The following PAWR variants were observed in gnomAD, a reference collection of about 807,000 sequenced individuals.
The protein encoded by PAWR is PRKC apoptosis WT1 regulator protein.
A neutral mutation model predicts 32.0 loss-of-function variants in PAWR; 23 were observed. The ratio of observed to expected loss-of-function variants is 0.72; its 90% CI spans 0.52 to 1.02. The LOEUF is 1.02. Among genes scored for constraint, PAWR ranks in the 50% least tolerant of loss-of-function variants. The pLI, the probability that PAWR is intolerant of heterozygous loss-of-function variation, is 0.00. For synonymous variants in PAWR, 226 were observed against 187.1 expected (o/e 1.21, Z -1.70); for missense variants, 457 against 437.7 (o/e 1.04, Z -0.39).
intron 6 of PAWR, among the ~76,000 whole-genome samples, chr12:79,593,704 T>A (rs1276808471): frequency 6.8e-6 from 1 of 146,958 alleles, no homozygotes; most frequent in Admixed American, 6.8e-5. Flanking sequence ...TTTTAGGGTT[T>A]TTTTTTTTTT....
At chr12:79,632,328 T>TATATATATAC (rs1875704508) in intron 2 of PAWR, among the ~76,000 whole-genome samples, 6 of 34,266 alleles carry the variant, frequency 1.8e-4, no homozygotes, top group Admixed American at 3.2e-4. Context: ...TATATATATA[T>TATATATATAC]ATATATATAT....
intron 2 of PAWR, chr12:79,668,395 T>C (rs2136842771): frequency 6.6e-6 from 1 of 152,352 alleles, no homozygotes; most frequent in Middle Eastern, 3.4e-3. Context: ...ATCTTACTTC[T>C]GAACTCTTTA....
chr12:79,688,967 G>A (rs941563617), intron 2 of PAWR, among the ~76,000 whole-genome samples: 6 of 152,228 alleles, frequency 3.9e-5, no homozygotes, highest in African/African-American at 1.4e-4. Flanking sequence ...TCACTCTAAT[G>A]GAAGATGCTG....
intron 2 of PAWR, among the ~76,000 whole-genome samples, chr12:79,666,603 A>T (rs1333170777): frequency 1.3e-5 from 2 of 152,226 alleles, no homozygotes; most frequent in Non-Finnish European, 1.5e-5. Flanking sequence ...GATGAAGCAG[A>T]TAGGAGAAAC....
At chr12:79,631,283 T>G (rs1592514981) in intron 2 of PAWR, among the ~76,000 whole-genome samples, 1 of 152,292 alleles carries the variant, frequency 6.6e-6, no homozygotes, top group Non-Finnish European at 1.5e-5. Flanking sequence ...TCTCACCACT[T>G]CTATTCAGTA....
Position 79,690,391 on chromosome 12 carries a change from G to T in PAWR, c.-147C>A. 1 of 1,342,384 alleles carries T rather than the reference G, an allele frequency of 7.4e-7. No homozygotes were observed. The highest frequency in any genetic ancestry group is 9.5e-7 in the Non-Finnish European group (1 of 1,050,618). The allele number at this position is 1,342,384 out of a possible 1,614,324, so 83.2% of individuals were successfully genotyped here. A position where few individuals can be genotyped will look rare whatever the true frequency, so the allele number is the denominator to read the frequency against. On this transcript the variant is annotated splice_region_variant and 5_prime_UTR_variant, in exon 2 of 7. Coordinates refer to ENST00000328827, the MANE Select transcript of PAWR (RefSeq NM_002583.4). ...CGCCGCTCCCACAGCAGCCGGCGGG[G>T]CTGAGGTGAAAGACAAAAGGGGGCG...
intron 6 of PAWR, among the ~76,000 whole-genome samples, chr12:79,594,074 C>T (rs1425276005): frequency 6.6e-6 from 1 of 152,012 alleles, no homozygotes; most frequent in Non-Finnish European, 1.5e-5. Flanking sequence ...GCGCCTGTCA[C>T]CCTCAGATTT....
Position 79,589,510 on chromosome 12 carries a change from A to T in PAWR, c.*3097T>A, listed in dbSNP as rs1176729708. The T allele has an allele frequency of 6.6e-6, 1 of 152,068 alleles. No homozygotes were observed. Among genetic ancestry groups the T allele is most frequent in the African/African-American group, 2.4e-5 (1 of 41,430 alleles). 9.4% of individuals were successfully genotyped at this position (152,068 alleles called of 1,614,324 possible). A position where few individuals can be genotyped will look rare whatever the true frequency, so the allele number is the denominator to read the frequency against. ...AACTACATTGCTCCACATACCTGATACTTAATTTTCTATGTTTGAAACTAC... is the reference window on the plus strand; with the variant it reads ...AACTACATTGCTCCACATACCTGATTCTTAATTTTCTATGTTTGAAACTAC... On this transcript the variant is annotated 3_prime_UTR_variant, in exon 7 of 7. Coordinates refer to ENST00000328827, the MANE Select transcript of PAWR (RefSeq NM_002583.4).
intron 2 of PAWR, among the ~76,000 whole-genome samples, chr12:79,664,253 A>G (rs2136831057): frequency 6.6e-6 from 1 of 152,294 alleles, no homozygotes; most frequent in East Asian, 1.9e-4. Context: ...GTGCATTTTC[A>G]TTACTCAAAA....
intron 2 of PAWR, among the ~76,000 whole-genome samples, chr12:79,636,512 A>G (rs1001744822): frequency 3.9e-5 from 6 of 152,174 alleles, no homozygotes; most frequent in African/African-American, 1.4e-4. Flanking sequence ...AAATTTCAAC[A>G]TAAAACATAA....
chr12:79,649,132 T>A (rs959547628), intron 2 of PAWR, among the ~76,000 whole-genome samples: 4 of 152,156 alleles, frequency 2.6e-5, no homozygotes, highest in Admixed American at 6.6e-5. Flanking sequence ...CCTTGTTACA[T>A]AGGGCAAAGG....
chr12:79,632,350 TATATATA>T (rs1875735862), intron 2 of PAWR, among the ~76,000 whole-genome samples: 11 of 59,758 alleles, frequency 1.8e-4, no homozygotes, highest in Non-Finnish European at 2.1e-4. Context: ...TATATATATA[TATATATA>T]TATATTTTTT....
chr12:79,636,600 T>C (rs1566012744), intron 2 of PAWR, among the ~76,000 whole-genome samples: 1 of 152,170 alleles, frequency 6.6e-6, no homozygotes, highest in Non-Finnish European at 1.5e-5. Context: ...TGATCTACTA[T>C]CTAGTTCTTG....
chr12:79,613,430 T>G (rs1200326038), intron 4 of PAWR, 145 bp downstream of exon 4: 1 of 420,340 alleles, frequency 2.4e-6, no homozygotes, highest in East Asian at 3.4e-5. Context: ...ATGATACTCC[T>G]GCTTACAATA....
At chr12:79,676,028 G>GA (rs543263304) in intron 2 of PAWR, among the ~76,000 whole-genome samples, 63 of 141,934 alleles carry the variant, frequency 4.4e-4, no homozygotes, top group Admixed American at 7.0e-4. Flanking sequence ...GGAAACAGAG[G>GA]AAAAAAAAAA....
rs183752192 is a variant in PAWR at position 79,665,407 on chromosome 12, C to T, written c.516+24322G>A. 1.4e-3 allele frequency among the ~76,000 whole-genome samples: 211 copies of T among 152,246 alleles called. 3 individuals are homozygous for T. In the South Asian group the frequency reaches 0.024, roughly 17 times the overall value. ...AACTCACATCCTTCCCACATCTAAC[C>T]CACATTAAATGACTATTTAAACTGC... On this transcript the variant is annotated intron_variant, in intron 2 of 6. Coordinates refer to ENST00000328827, the MANE Select transcript of PAWR (RefSeq NM_002583.4).
Position 79,594,727 on chromosome 12 carries a change from G to A in PAWR, c.832-294C>T, listed in dbSNP as rs570016486. Among the ~76,000 whole-genome samples, 81 of 150,246 alleles carry A rather than the reference G, an allele frequency of 5.4e-4. 1 individual carries two copies. The South Asian group carries it at 7.0e-3, about 13-fold the overall frequency. On this transcript the variant is annotated intron_variant, in intron 5 of 6. Transcript: ENST00000328827. The stretch of plus-strand genomic sequence containing the variant: ...TGTGTGTGTGTGTGTGTGTGTGTGT[G>A]TATGTATGTATGGCAGTGTTTCACT...
rs140497453 is a variant in PAWR, at chr12:79,644,659, T to C, written c.517-23452A>G. Among the ~76,000 whole-genome samples, 652 of 152,328 alleles carry C rather than the reference T, an allele frequency of 4.3e-3. 8 individuals carry two copies. The highest frequency in any genetic ancestry group is 0.015 in the African/African-American group (611 of 41,586). On this transcript the variant is annotated intron_variant, in intron 2 of 6. Transcript: ENST00000328827. ...AGATAGAAAGCTTCCTGCTTTTTTATTTTGTTAGCAAAAACATTTTCACAT... is the reference window on the plus strand; with the variant it reads ...AGATAGAAAGCTTCCTGCTTTTTTACTTTGTTAGCAAAAACATTTTCACAT...
intron 2 of PAWR, among the ~76,000 whole-genome samples, chr12:79,664,243 G>A (rs1877490462): frequency 6.6e-6 from 1 of 151,820 alleles, no homozygotes; most frequent in Non-Finnish European, 1.5e-5. Flanking sequence ...TTTTTTTTAA[G>A]TGCATTTTCA....
Sources: allele counts gnomAD v4.1 joint callset (sites outside exome capture counted in the v4.1 genomes callset), GRCh38; gene constraint gnomAD v4.1.1; transcripts MANE v1.5; gene names NCBI Gene and HGNC (gene_info 2026-07-23, HGNC 2026-07-21).